The following C10orf67 variants were observed in gnomAD, a reference collection of about 807,000 sequenced individuals.
The protein encoded by C10orf67 is uncharacterized protein C10orf67, mitochondrial.
A neutral mutation model predicts 35.6 loss-of-function variants in C10orf67; 60 were observed. The observed-to-expected ratio is 1.68, with a 90% confidence interval of 1.37 to 2.09. The LOEUF is 2.09. Ranked by LOEUF, C10orf67 falls within the 30% of genes most tolerant of loss-of-function variation. C10orf67 has a pLI of 0.00. For synonymous variants in C10orf67, 167 were observed against 115.8 expected (o/e 1.44, Z -2.84); for missense variants, 474 against 330.2 (o/e 1.44, Z -3.38).
intron 10 of C10orf67, among the ~76,000 whole-genome samples, chr10:23,260,881 T>C (rs1842729930): frequency 6.6e-6 from 1 of 152,242 alleles, no homozygotes; most frequent in Non-Finnish European, 1.5e-5. Flanking sequence ...TTGAAATCTT[T>C]CCAATTTTAA....
intron 10 of C10orf67, among the ~76,000 whole-genome samples, chr10:23,262,189 C>T (rs1364705288): frequency 1.3e-5 from 2 of 152,168 alleles, no homozygotes; most frequent in African/African-American, 2.4e-5. Context: ...TGAGTGACAG[C>T]ATGTCAGATG....
At chr10:23,323,809 G>A (rs1246631427) in intron 2 of C10orf67, among the ~76,000 whole-genome samples, 2 of 145,648 alleles carry the variant, frequency 1.4e-5, no homozygotes, top group Non-Finnish European at 3.0e-5. Flanking sequence ...CCACTTGGGA[G>A]CTTGAACCCG....
chr10:23,268,889 T>C (rs1291448208), intron 8 of C10orf67, among the ~76,000 whole-genome samples: 8 of 152,246 alleles, frequency 5.3e-5, no homozygotes, highest in African/African-American at 1.7e-4. Context: ...TGTATTTGTG[T>C]ATCTAAACAT....
intron 10 of C10orf67, among the ~76,000 whole-genome samples, chr10:23,255,909 A>G (rs1298279627): frequency 6.6e-6 from 1 of 152,218 alleles, no homozygotes; most frequent in Non-Finnish European, 1.5e-5. Context: ...AGAGGTTTTC[A>G]GTGATCATCT....
rs866307595 is a variant in C10orf67 at position 23,288,232 on chromosome 10, G to A, written c.909+1668C>T. Among the ~76,000 whole-genome samples the A allele has an allele frequency of 2.6e-5, 4 of 152,144 alleles. No individual in the cohort carries two copies. In the South Asian group the frequency reaches 6.2e-4, roughly 24 times the overall value. On this transcript the variant is annotated intron_variant, in intron 7 of 15. Transcript: ENST00000636213. ...ATGAAACCAACCCAAATGCCCATCA[G>A]TGATAGACTGGATAAAGAAAATGTG...
Position 23,303,318 on chromosome 10 carries a change from C to T in C10orf67, c.688G>A (p.Gly230Arg). ...KEELDQYKDF[G>R]FHKMESFAKE... ...TTGAAACTTACCATTTTGTGAAATC[C>T]AAAATCTTTATATTGGTCTAGTTCT... The change falls in exon 5 of 16, where the codon GGA (glycine) becomes AGA (arginine). Residue 230 changes from glycine (G) to arginine (R), a missense_variant. Gly to Arg is a moderately radical substitution (Grantham distance 125). Coordinates refer to ENST00000636213, the MANE Select transcript of C10orf67 (RefSeq NM_001371909.1). The T allele has an allele frequency of 3.6e-6, 2 of 552,604 alleles. No homozygotes were observed. The highest frequency in any genetic ancestry group is 2.9e-5 in the South Asian group (1 of 34,962). 34.2% of individuals were successfully genotyped at this position (552,604 alleles called of 1,614,324 possible).
At chr10:23,267,685 A>T (rs957404460) in intron 8 of C10orf67, among the ~76,000 whole-genome samples, 4 of 152,120 alleles carry the variant, frequency 2.6e-5, no homozygotes, top group African/African-American at 7.2e-5. Flanking sequence ...CAGGTGTATC[A>T]CCTGAGGTCA....
intron 15 of C10orf67, 63 bp from the exon 16 acceptor site, chr10:23,204,318 C>A: frequency 2.1e-6 from 1 of 479,172 alleles, no homozygotes; most frequent in Non-Finnish European, 3.9e-6. Context: ...CAGACCACTT[C>A]CCACTCTTCC....
intron 4 of C10orf67, among the ~76,000 whole-genome samples, chr10:23,314,878 C>T (rs893886865): frequency 6.6e-6 from 1 of 151,852 alleles, no homozygotes; most frequent in Non-Finnish European, 1.5e-5. Context: ...TTGCTGTATT[C>T]GATTGACCAG....
intron 9 of C10orf67, among the ~76,000 whole-genome samples, chr10:23,266,664 C>A (rs1424923728): frequency 6.6e-6 from 1 of 151,916 alleles, no homozygotes; most frequent in Non-Finnish European, 1.5e-5. Context: ...AAGAACACAC[C>A]AACAGATCCA....
intron 10 of C10orf67, among the ~76,000 whole-genome samples, chr10:23,263,372 T>C (rs977827187): frequency 2.0e-5 from 3 of 152,216 alleles, no homozygotes; most frequent in African/African-American, 7.2e-5. Context: ...CCTATAGTAA[T>C]AATTCTATAT....
chr10:23,298,099 C>CA (rs1159481579), intron 5 of C10orf67, among the ~76,000 whole-genome samples: 2 of 152,078 alleles, frequency 1.3e-5, no homozygotes, highest in East Asian at 1.9e-4. Context: ...ACTAAAAATA[C>CA]AAAAAATCAG....
chr10:23,320,903 C>A (rs1844926846), intron 3 of C10orf67, 88 bp from the exon 4 acceptor site: 1 of 845,396 alleles, frequency 1.2e-6, no homozygotes, highest in African/African-American at 1.7e-5. Flanking sequence ...AGTAAAAAAA[C>A]ATCATCTGAA....
chr10:23,322,294 T>G (rs2132343028), intron 3 of C10orf67, 100 bp downstream of exon 3: 1 of 1,267,776 alleles, frequency 7.9e-7, no homozygotes, highest in Non-Finnish European at 1.1e-6. Flanking sequence ...TAATGCAAAT[T>G]ACACTGCCCT....
At chr10:23,267,116 G>GA in intron 9 of C10orf67, 79 bp downstream of exon 9, 1 of 669,466 alleles carries the variant, frequency 1.5e-6, no homozygotes. Flanking sequence ...ATGCTACACA[G>GA]ATTTGTCAAT....
At chr10:23,227,249 G>T (rs370614271) in intron 13 of C10orf67, among the ~76,000 whole-genome samples, 7 of 152,064 alleles carry the variant, frequency 4.6e-5, no homozygotes, top group Non-Finnish European at 7.4e-5. Flanking sequence ...ATGATCAAGT[G>T]GGCTTCATCC....
intron 10 of C10orf67, among the ~76,000 whole-genome samples, chr10:23,262,524 A>G (rs1842779535): frequency 6.6e-6 from 1 of 152,144 alleles, no homozygotes; most frequent in Non-Finnish European, 1.5e-5. Context: ...CCTTGAATTT[A>G]TCTATTCCTG....
At chr10:23,214,568 C>G (rs1257348616) in intron 15 of C10orf67, among the ~76,000 whole-genome samples, 1 of 151,960 alleles carries the variant, frequency 6.6e-6, no homozygotes, top group Non-Finnish European at 1.5e-5. Context: ...ACAGAAATAT[C>G]TTTTAAAAAT....
At chr10:23,239,870 C>A in intron 12 of C10orf67, 54 bp from the exon 13 acceptor site, 2 of 551,840 alleles carry the variant, frequency 3.6e-6, no homozygotes, top group South Asian at 2.7e-5. Flanking sequence ...TAGCATAAAG[C>A]AAATAAGCAT....
Sources: allele counts gnomAD v4.1 joint callset (sites outside exome capture counted in the v4.1 genomes callset), GRCh38; gene constraint gnomAD v4.1.1; transcripts MANE v1.5; gene names NCBI Gene and HGNC (gene_info 2026-07-23, HGNC 2026-07-21).